Variants in UNC13C observed in about 807,000 individuals in gnomAD.
The protein encoded by UNC13C is unc-13 homolog C.
A neutral mutation model predicts 245.4 loss-of-function variants in UNC13C; 174 were observed. The ratio of observed to expected loss-of-function variants is 0.71; its 90% CI spans 0.63 to 0.80. The LOEUF is 0.80. UNC13C is among the 30% of genes least tolerant of loss of function. The probability of loss-of-function intolerance (pLI) is 0.00; values close to 1 mark genes in which losing one functional copy is unlikely to be tolerated. For missense variants in UNC13C, 2,829 were observed against 2,602.9 expected (o/e 1.09, Z -1.89); for synonymous variants, 992 against 895.1 (o/e 1.11, Z -1.93).
At chr15:54,268,458 A>AT (rs1308304677) in intron 10 of UNC13C, among the ~76,000 whole-genome samples, 1 of 151,918 alleles carries the variant, frequency 6.6e-6, no homozygotes, top group Non-Finnish European at 1.5e-5. Flanking sequence ...TATGCATTAC[A>AT]TTTTTCTGCT....
the UNC13C span, among the ~76,000 whole-genome samples, chr15:53,874,658 G>A: frequency 6.6e-6 from 1 of 152,080 alleles, no homozygotes; most frequent in Non-Finnish European, 1.5e-5. Flanking sequence ...AAGTCTATTA[G>A]CCTTCAATAC....
intron 2 of UNC13C, among the ~76,000 whole-genome samples, chr15:54,122,238 A>G (rs1456343034): frequency 1.3e-5 from 2 of 151,986 alleles, no homozygotes; most frequent in African/African-American, 2.4e-5. Flanking sequence ...TAATTTCTAA[A>G]TGGTGTACCA....
At chr15:54,241,981 C>G (rs575853460) in intron 7 of UNC13C, among the ~76,000 whole-genome samples, 2 of 152,292 alleles carry the variant, frequency 1.3e-5, no homozygotes, top group East Asian at 3.9e-4. Context: ...CATGTTGGTC[C>G]AGTTCTACAA....
At chr15:54,066,366 A>T (rs1462633976) in intron 2 of UNC13C, among the ~76,000 whole-genome samples, 1 of 152,198 alleles carries the variant, frequency 6.6e-6, no homozygotes, top group African/African-American at 2.4e-5. Context: ...TGGTCTTTGA[A>T]ATCCCTTGTT....
chr15:54,410,820 A>T (rs1415738074), intron 18 of UNC13C, among the ~76,000 whole-genome samples: 4 of 151,938 alleles, frequency 2.6e-5, no homozygotes, highest in Non-Finnish European at 5.9e-5. Context: ...TTTTTTCTTA[A>T]GATTATTTTG....
At chr15:54,230,126 T>C (rs61588631) in intron 4 of UNC13C, among the ~76,000 whole-genome samples, 2,503 of 65,358 alleles carry the variant, frequency 0.038, 80 homozygotes, top group African/African-American at 0.12. Flanking sequence ...TAATGAATTA[T>C]ATGGTAGTTC....
chr15:53,912,688 T>A, the UNC13C span: 2 of 152,058 alleles, frequency 1.3e-5, no homozygotes, highest in Admixed American at 1.3e-4. Flanking sequence ...TCCATACACA[T>A]CACCAGCCCC....
chr15:54,461,151 T>A (rs1891824794), intron 19 of UNC13C, among the ~76,000 whole-genome samples: 1 of 152,160 alleles, frequency 6.6e-6, no homozygotes, highest in African/African-American at 2.4e-5. Context: ...TTAGGATATT[T>A]TTATTCAAGT....
Position 54,035,189 on chromosome 15 carries a change from A to G in UNC13C, c.2983+19303A>G, listed in dbSNP as rs146435302. On this transcript the variant is annotated intron_variant, in intron 2 of 32. Coordinates refer to ENST00000260323, the MANE Select transcript of UNC13C (RefSeq NM_001080534.3). Reference sequence around the variant, plus strand: ...CTAAAGGGGCCTTGTTAAAAAATGTATAATGTACCCAGAAAATGTATTAGT... The same window carrying G: ...CTAAAGGGGCCTTGTTAAAAAATGTGTAATGTACCCAGAAAATGTATTAGT... 3.9e-5 allele frequency among the ~76,000 whole-genome samples: 6 copies of G among 152,322 alleles called. No homozygotes were observed. The East Asian group carries it at 9.7e-4, about 25-fold the overall frequency.
rs1157900599 is a variant in UNC13C at position 54,282,187 on chromosome 15, A to G, written c.3819-11708A>G. Among the ~76,000 whole-genome samples the G allele has an allele frequency of 2.0e-5, 3 of 152,170 alleles. No individual in the cohort carries two copies. In the East Asian group the frequency reaches 5.8e-4, roughly 29 times the overall value. On this transcript the variant is annotated intron_variant, in intron 10 of 32. Coordinates refer to ENST00000260323, the MANE Select transcript of UNC13C (RefSeq NM_001080534.3). Reference sequence around the variant, plus strand: ...GAGTGATTTTTAGGTAACTACTGTAAAAAATTTTGCTATCTCTAGTTCTGA... The same window carrying G: ...GAGTGATTTTTAGGTAACTACTGTAGAAAATTTTGCTATCTCTAGTTCTGA...
intron 30 of UNC13C, among the ~76,000 whole-genome samples, chr15:54,605,191 C>T (rs1453401916): frequency 1.3e-5 from 2 of 152,168 alleles, no homozygotes; most frequent in African/African-American, 4.8e-5. Context: ...GAGGGTCAAA[C>T]AATCAGCAAC....
the UNC13C span, among the ~76,000 whole-genome samples, chr15:53,950,766 G>C: frequency 6.6e-6 from 1 of 152,112 alleles, no homozygotes; most frequent in African/African-American, 2.4e-5. Context: ...TCTCAGCTGA[G>C]AGAGCAAGCT....
intron 10 of UNC13C, among the ~76,000 whole-genome samples, chr15:54,282,665 A>C (rs2037030176): frequency 6.6e-6 from 1 of 152,144 alleles, no homozygotes; most frequent in African/African-American, 2.4e-5. Flanking sequence ...TGACAAGTGC[A>C]AGGGGCCAGT....
the UNC13C span, among the ~76,000 whole-genome samples, chr15:53,963,239 A>G: frequency 6.6e-6 from 1 of 152,170 alleles, no homozygotes; most frequent in African/African-American, 2.4e-5. Flanking sequence ...GCCTTATTTT[A>G]AAAGGTTTCT....
intron 19 of UNC13C, among the ~76,000 whole-genome samples, chr15:54,423,053 A>G (rs2140962991): frequency 6.6e-6 from 1 of 151,806 alleles, no homozygotes; most frequent in African/African-American, 2.4e-5. Flanking sequence ...GTATTTCTTC[A>G]TAGCTGTGTG....
chr15:54,472,572 A>T (rs1368984384), intron 19 of UNC13C, among the ~76,000 whole-genome samples: 1 of 151,822 alleles, frequency 6.6e-6, no homozygotes, highest in African/African-American at 2.4e-5. Flanking sequence ...TGTACCAGTG[A>T]TAAACTAGAC....
At chr15:53,954,618 C>G in the UNC13C span, among the ~76,000 whole-genome samples, 3 of 152,090 alleles carry the variant, frequency 2.0e-5, no homozygotes, top group East Asian at 5.8e-4. Flanking sequence ...GTGAGCTGCC[C>G]AGGTTTTGCC....
intron 10 of UNC13C, among the ~76,000 whole-genome samples, chr15:54,288,065 G>T (rs1244124584): frequency 6.6e-6 from 1 of 152,078 alleles, no homozygotes; most frequent in Admixed American, 6.6e-5. Context: ...AATGTATTGT[G>T]GAGAGAAAAG....
the UNC13C span, among the ~76,000 whole-genome samples, chr15:53,933,429 C>T: frequency 1.3e-5 from 2 of 152,090 alleles, no homozygotes; most frequent in South Asian, 2.1e-4. Flanking sequence ...CAAATCAAAA[C>T]GATGGTATTA....
Sources: gnomAD v4.1 joint callset for allele counts (sites outside exome capture counted in the v4.1 genomes callset) on GRCh38, gnomAD v4.1.1 for gene constraint, MANE v1.5 for transcripts, NCBI Gene and HGNC (gene_info 2026-07-23, HGNC 2026-07-21) for gene names.